The following VTCN1 variants were observed in gnomAD, a reference collection of about 807,000 sequenced individuals.
VTCN1 encodes the protein V-set domain containing T cell activation inhibitor 1.
A neutral mutation model predicts 26.5 loss-of-function variants in VTCN1; 26 were observed. The ratio of observed to expected loss-of-function variants is 0.98; its 90% CI spans 0.72 to 1.36. VTCN1 has a LOEUF of 1.36. VTCN1 is among the 40% of genes most tolerant of loss of function. The pLI, the probability that VTCN1 is intolerant of heterozygous loss-of-function variation, is 0.00. For synonymous variants in VTCN1, 116 were observed against 130.7 expected (o/e 0.89, Z 0.77); for missense variants, 298 against 337.7 (o/e 0.88, Z 0.92).
chr1:117,171,732 G>A (rs1652927136), intron 1 of VTCN1, among the ~76,000 whole-genome samples: 1 of 152,192 alleles, frequency 6.6e-6, no homozygotes. Context: ...CTTAGGAGGA[G>A]AACAAATTTT....
At chr1:117,195,743 C>T (rs1196349739) in intron 1 of VTCN1, among the ~76,000 whole-genome samples, 1 of 152,150 alleles carries the variant, frequency 6.6e-6, no homozygotes, top group Non-Finnish European at 1.5e-5. Context: ...CCACATATAT[C>T]AGAAGGCTTA....
At chr1:117,170,062 A>C in intron 2 of VTCN1, 45 bp downstream of exon 2, 1 of 1,566,062 alleles carries the variant, frequency 6.4e-7, no homozygotes. Flanking sequence ...TAGGAGTTTA[A>C]TGGTGAGGGG....
rs966480511 is a variant in VTCN1, at chr1:117,147,130, T to C, written c.*45+483A>G. 8.5e-5 allele frequency among the ~76,000 whole-genome samples: 13 copies of C among 152,058 alleles called. No homozygotes were observed. Among genetic ancestry groups the C allele is most frequent in the African/African-American group, 3.1e-4 (13 of 41,398 alleles). ...GCAGAAGAATATTCAAAAGGAAATA[T>C]CCTAACAATAATTGGAGCCAGAGGA... On this transcript the variant is annotated intron_variant, in intron 5 of 5. Transcript: ENST00000369458. This position sits in a 1 kb window ranked among gnomAD's most constrained non-coding sequence, Gnocchi z 4.6.
In VTCN1 at chr1:117,175,524, G is replaced by T. The variant is rs779844245; in HGVS notation, c.33-5353C>A. 8.5e-5 allele frequency among the ~76,000 whole-genome samples: 13 copies of T among 152,144 alleles called. No homozygotes were observed. The highest frequency in any genetic ancestry group is 1.9e-4 in the Non-Finnish European group (13 of 68,024). Reference sequence around the variant, plus strand: ...TTTTTCATAAAATAAAAATAGAACTGAAAGCCATGCTAAGCTTTTCCCACT... The same window carrying T: ...TTTTTCATAAAATAAAAATAGAACTTAAAGCCATGCTAAGCTTTTCCCACT... On this transcript the variant is annotated intron_variant, in intron 1 of 5. Coordinates refer to ENST00000369458, the MANE Select transcript of VTCN1 (RefSeq NM_024626.4). This position sits in a 1 kb window ranked among gnomAD's most constrained non-coding sequence, Gnocchi z 4.2.
chr1:117,163,198 T>C (rs1317498154), intron 2 of VTCN1, among the ~76,000 whole-genome samples: 1 of 152,112 alleles, frequency 6.6e-6, no homozygotes, highest in Non-Finnish European at 1.5e-5. Flanking sequence ...ACGGGAACAA[T>C]GTAGGAAAGC....
intron 2 of VTCN1, among the ~76,000 whole-genome samples, chr1:117,165,296 A>C (rs779191208): frequency 6.6e-6 from 1 of 152,244 alleles, no homozygotes; most frequent in Non-Finnish European, 1.5e-5. Flanking sequence ...CAAATCATGC[A>C]TGCAAAGTTA....
At chr1:117,151,960 G>A (rs1343928582) in intron 4 of VTCN1, among the ~76,000 whole-genome samples, 3 of 152,152 alleles carry the variant, frequency 2.0e-5, no homozygotes, top group African/African-American at 7.2e-5. Context: ...AATGATTAGT[G>A]ATGTTGAGCA....
intron 4 of VTCN1, among the ~76,000 whole-genome samples, chr1:117,148,028 A>T (rs1157853702): frequency 6.6e-6 from 1 of 152,220 alleles, no homozygotes; most frequent in African/African-American, 2.4e-5. Context: ...TATACCAATA[A>T]GAGATTGTTA....
At position 117,144,704 on chromosome 1, in the gene VTCN1, A is replaced by G. The variant is rs1651423875; in HGVS notation, c.*567T>C. The G allele has an allele frequency of 6.6e-6, 1 of 152,632 alleles. No individual in the cohort carries two copies. The highest frequency in any genetic ancestry group is 1.5e-5 in the Non-Finnish European group (1 of 68,036). The allele number at this position is 152,632 out of a possible 1,614,324, so 9.5% of individuals were successfully genotyped here. ...GGAAGAGAAGCCAAGGCACCTTTGG[A>G]AGCATCATAAAAAGTGAATCATTTG... On this transcript the variant is annotated 3_prime_UTR_variant, in exon 6 of 6. Transcript: ENST00000369458.
rs1647661058 is a variant in VTCN1, at chr1:117,181,324, T to G, written c.33-11153A>C. Among the ~76,000 whole-genome samples, 5 of 152,320 alleles carry G rather than the reference T, an allele frequency of 3.3e-5. No individual in the cohort carries two copies. In the South Asian group the frequency reaches 1.0e-3, roughly 32 times the overall value. ...CCAAATTTAAGTAACTCCTGATTGC[T>G]TATGAAAGTTCAAACTGTTCTTGAC... On this transcript the variant is annotated intron_variant, in intron 1 of 5. Transcript: ENST00000369458.
intron 1 of VTCN1, among the ~76,000 whole-genome samples, chr1:117,195,646 T>A (rs1338811397): frequency 6.6e-6 from 1 of 152,304 alleles, no homozygotes; most frequent in South Asian, 2.1e-4. Context: ...AAGGCTTTAG[T>A]GAAAGTTATT....
chr1:117,201,762 C>T (rs1648800026), intron 1 of VTCN1, among the ~76,000 whole-genome samples: 1 of 152,236 alleles, frequency 6.6e-6, no homozygotes, highest in African/African-American at 2.4e-5. Context: ...AGACAAAGAT[C>T]CCCTGGCCTA....
intron 2 of VTCN1, among the ~76,000 whole-genome samples, chr1:117,165,830 A>G (rs1362299857): frequency 6.6e-6 from 1 of 152,220 alleles, no homozygotes; most frequent in Non-Finnish European, 1.5e-5. Context: ...CTTAATTTCA[A>G]TGTCTTATAT....
chr1:117,162,211 C>T (rs141722084), intron 2 of VTCN1, among the ~76,000 whole-genome samples: 383 of 152,152 alleles, frequency 2.5e-3, no homozygotes, highest in African/African-American at 8.7e-3. Flanking sequence ...TTAAAAAAAC[C>T]ACAGGGACCT....
chr1:117,173,842 T>TTG (rs1653055953), intron 1 of VTCN1, among the ~76,000 whole-genome samples: 1 of 152,172 alleles, frequency 6.6e-6, no homozygotes, highest in Non-Finnish European at 1.5e-5. Flanking sequence ...ACAATGGAAG[T>TTG]TGTGCATTTC....
intron 1 of VTCN1, among the ~76,000 whole-genome samples, chr1:117,206,492 A>G (rs901361126): frequency 2.6e-5 from 4 of 152,186 alleles, no homozygotes; most frequent in African/African-American, 9.7e-5. Context: ...GCCCCATTTC[A>G]TAGATAGGGC....
Position 117,159,092 on chromosome 1 carries a change from C to A in VTCN1, c.98-2171G>T, listed in dbSNP as rs1281367751. Among the ~76,000 whole-genome samples the A allele has an allele frequency of 6.6e-6, 1 of 152,198 alleles. No homozygotes were observed. Among genetic ancestry groups the A allele is most frequent in the Non-Finnish European group, 1.5e-5 (1 of 68,042 alleles). ...AAAATTTCCCACATTTTCCTGTCTT[C>A]TTCTGAGCTCTCCAAACTGTTCCAA... is the stretch of plus-strand genomic sequence containing the variant. On this transcript the variant is annotated intron_variant, in intron 2 of 5. Coordinates refer to ENST00000369458, the MANE Select transcript of VTCN1 (RefSeq NM_024626.4). This position sits in a 1 kb window ranked among gnomAD's most constrained non-coding sequence, Gnocchi z 4.7.
At chr1:117,206,323 C>T (rs1369525099) in intron 1 of VTCN1, among the ~76,000 whole-genome samples, 1 of 152,032 alleles carries the variant, frequency 6.6e-6, no homozygotes, top group Non-Finnish European at 1.5e-5. Flanking sequence ...TTGAAGTTAA[C>T]AAATTTTTAT....
intron 1 of VTCN1, among the ~76,000 whole-genome samples, chr1:117,193,025 A>T (rs1648322045): frequency 6.6e-6 from 1 of 152,162 alleles, no homozygotes; most frequent in South Asian, 2.1e-4. Context: ...TAAGAATAAC[A>T]ATACAGCATA....
Sources: allele counts gnomAD v4.1 joint callset (sites outside exome capture counted in the v4.1 genomes callset), GRCh38; gene constraint gnomAD v4.1.1; non-coding constraint Gnocchi (gnomAD v3.1); transcripts MANE v1.5; gene names NCBI Gene and HGNC (gene_info 2026-07-23, HGNC 2026-07-21).